The following CLEC16A variants were observed in gnomAD, a reference collection of about 807,000 sequenced individuals.
CLEC16A encodes the protein protein CLEC16A.
CLEC16A carries 51 observed loss-of-function variants against 109.5 expected under a neutral mutation model. The ratio of observed to expected loss-of-function variants is 0.47; its 90% confidence interval spans 0.37 to 0.59. The LOEUF is 0.59. CLEC16A is among the 20% of genes least tolerant of loss of function. The probability of loss-of-function intolerance (pLI) is 0.00; values close to 1 mark genes in which losing one functional copy is unlikely to be tolerated. For synonymous variants in CLEC16A, 673 were observed against 564.2 expected (o/e 1.19, Z -2.73); for missense variants, 1,339 against 1,394.0 (o/e 0.96, Z 0.63).
intron 10 of CLEC16A, among the ~76,000 whole-genome samples, chr16:10,984,867 C>T (rs929360906): frequency 3.9e-5 from 6 of 152,174 alleles, no homozygotes; most frequent in African/African-American, 7.2e-5. Context: ...AAACAGGCAG[C>T]GCAAGCCCTG....
chr16:11,092,361 A>ACACACAC (rs2050354709), intron 19 of CLEC16A, among the ~76,000 whole-genome samples: 9 of 132,544 alleles, frequency 6.8e-5, no homozygotes, highest in East Asian at 2.3e-4. Flanking sequence ...AACAAAAACA[A>ACACACAC]ACACACACAC....
intron 19 of CLEC16A, among the ~76,000 whole-genome samples, chr16:11,087,124 A>T (rs1307199443): frequency 1.3e-5 from 2 of 152,276 alleles, no homozygotes; most frequent in African/African-American, 4.8e-5. Context: ...TTTTCTCACA[A>T]CATCTGAAGC....
intron 18 of CLEC16A, among the ~76,000 whole-genome samples, chr16:11,060,576 T>C (rs556911502): frequency 5.0e-4 from 76 of 152,230 alleles, no homozygotes; most frequent in African/African-American, 1.7e-3. Flanking sequence ...GTCTGTGAAA[T>C]GGGGCTGACT....
chr16:11,118,760 A>G (rs1472107902), intron 19 of CLEC16A, among the ~76,000 whole-genome samples: 3 of 152,166 alleles, frequency 2.0e-5, no homozygotes, highest in South Asian at 4.1e-4. Context: ...TAGGATTTTT[A>G]TAGTTCTGGG....
rs533282705 is a variant in CLEC16A, at chr16:10,985,756, C to T, written c.1071+2765C>T. ...ATTTATTTTGAGATGGAGTCTCTGTCGCCCAGGCTGGAGTGCAGTGGCGTG... is the reference window on the plus strand; with the variant it reads ...ATTTATTTTGAGATGGAGTCTCTGTTGCCCAGGCTGGAGTGCAGTGGCGTG... On this transcript the variant is annotated intron_variant, in intron 10 of 23. Coordinates refer to ENST00000409790, the MANE Select transcript of CLEC16A (RefSeq NM_015226.3). 3.5e-5 allele frequency among the ~76,000 whole-genome samples: 5 copies of T among 141,914 alleles called. No individual in the cohort carries two copies. The East Asian group carries it at 8.2e-4, about 23-fold the overall frequency. 93.1% of individuals were successfully genotyped at this position (141,914 alleles called of 152,430 possible).
At chr16:11,031,061 C>A (rs751792531) in intron 13 of CLEC16A, among the ~76,000 whole-genome samples, 1 of 152,094 alleles carries the variant, frequency 6.6e-6, no homozygotes, top group Non-Finnish European at 1.5e-5. Flanking sequence ...CTTTTTAATA[C>A]CGCCTTTTCT....
At chr16:11,149,172 C>T (rs918266750) in intron 22 of CLEC16A, among the ~76,000 whole-genome samples, 1 of 152,150 alleles carries the variant, frequency 6.6e-6, no homozygotes, top group Non-Finnish European at 1.5e-5. Context: ...GAGCACAAGT[C>T]ACCAGTGGTG....
chr16:11,150,118 G>T (rs537690064), intron 22 of CLEC16A: 1 of 152,304 alleles, frequency 6.6e-6, no homozygotes, highest in South Asian at 2.1e-4. Flanking sequence ...CAAAAATTCA[G>T]TGTTTGGTTT....
At chr16:11,117,601 A>G (rs545579997) in intron 19 of CLEC16A, among the ~76,000 whole-genome samples, 174 of 152,340 alleles carry the variant, frequency 1.1e-3, no homozygotes, top group African/African-American at 4.2e-3. Flanking sequence ...ATTTTAAAAT[A>G]ATGTCCCAGT....
At chr16:11,118,936 C>G (rs2052202561) in intron 19 of CLEC16A, among the ~76,000 whole-genome samples, 1 of 152,184 alleles carries the variant, frequency 6.6e-6, no homozygotes, top group African/African-American at 2.4e-5. Context: ...CATTGAAGAT[C>G]ACTTGACTGT....
intron 22 of CLEC16A, among the ~76,000 whole-genome samples, chr16:11,152,514 C>T (rs2054331187): frequency 6.6e-6 from 1 of 152,230 alleles, no homozygotes; most frequent in Admixed American, 6.5e-5. Flanking sequence ...TGGTCCAGGA[C>T]ATTGACATCT....
rs111322660 is a variant in CLEC16A, at chr16:11,020,121, A to G, written c.1304-72A>G. Reference sequence around the variant, plus strand: ...GTCATTTATGCATATTTATTCTCCAACATGAGCATGTGTATAAATCTAGGG... The same window carrying G: ...GTCATTTATGCATATTTATTCTCCAGCATGAGCATGTGTATAAATCTAGGG... On this transcript the variant is annotated intron_variant, in intron 11 of 23. Transcript: ENST00000409790. The G allele has an allele frequency of 3.3e-6, 5 of 1,505,488 alleles. No homozygotes were observed. The South Asian group carries it at 5.3e-5, about 16-fold the overall frequency. The allele number at this position is 1,505,488 out of a possible 1,614,324, so 93.3% of individuals were successfully genotyped here.
chr16:11,016,299 T>C (rs2045743429), intron 11 of CLEC16A, among the ~76,000 whole-genome samples: 1 of 151,752 alleles, frequency 6.6e-6, no homozygotes, highest in African/African-American at 2.4e-5. Flanking sequence ...AAGAGAATTA[T>C]GTTTCCCCGA....
At position 11,137,876 on chromosome 16, in the gene CLEC16A, G is replaced by A. The variant is rs147396154; in HGVS notation, c.2641+11730G>A. ...AGTTGGTGGGAAGGAGAGTTAGTTC[G>A]TGAGGACCCACTAAGAATGGGAAAA... On this transcript the variant is annotated intron_variant, in intron 22 of 23. Coordinates refer to ENST00000409790, the MANE Select transcript of CLEC16A (RefSeq NM_015226.3). Among the ~76,000 whole-genome samples the A allele has an allele frequency of 2.1e-3, 327 of 152,264 alleles. 2 individuals carry two copies. The highest frequency in any genetic ancestry group is 7.5e-3 in the African/African-American group (312 of 41,544).
At chr16:11,132,235 C>CA (rs1567368473) in intron 22 of CLEC16A, among the ~76,000 whole-genome samples, 4 of 65,532 alleles carry the variant, frequency 6.1e-5, no homozygotes, top group Non-Finnish European at 1.3e-4. Flanking sequence ...CGCCCACCCA[C>CA]CCCCCCCGCC....
At chr16:11,073,560 C>T (rs1428538748) in intron 19 of CLEC16A, among the ~76,000 whole-genome samples, 3 of 152,174 alleles carry the variant, frequency 2.0e-5, no homozygotes, top group African/African-American at 4.8e-5. Flanking sequence ...CTCAGATCCT[C>T]GCAGTGCAGC....
chr16:10,991,693 G>C (rs977116194), intron 10 of CLEC16A, among the ~76,000 whole-genome samples: 18 of 152,216 alleles, frequency 1.2e-4, no homozygotes, highest in African/African-American at 4.3e-4. Flanking sequence ...GTCTTGATGT[G>C]ACAAGTCTCG....
chr16:11,067,416 G>C lies in CLEC16A; in HGVS notation c.2116+6394G>C, dbSNP rs909329162. On this transcript the variant is annotated intron_variant, in intron 19 of 23. Coordinates refer to ENST00000409790, the MANE Select transcript of CLEC16A (RefSeq NM_015226.3). ...AGGAGGGGCCCATTTGAGGGCTGCAGGGGGGGTGTGGGTGCCGAGAAGTGG... is the reference window on the plus strand; with the variant it reads ...AGGAGGGGCCCATTTGAGGGCTGCACGGGGGGTGTGGGTGCCGAGAAGTGG... Among the ~76,000 whole-genome samples, 5 of 150,928 alleles carry C rather than the reference G, an allele frequency of 3.3e-5. No individual in the cohort carries two copies. In the Admixed American group the frequency reaches 3.3e-4, roughly 10 times the overall value.
intron 22 of CLEC16A, among the ~76,000 whole-genome samples, chr16:11,165,008 T>C (rs186691953): frequency 5.3e-4 from 80 of 152,040 alleles, no homozygotes; most frequent in African/African-American, 1.9e-3. Flanking sequence ...AGATCCCCTC[T>C]CTCAGCTGGA....
Sources: gnomAD v4.1 joint callset for allele counts (sites outside exome capture counted in the v4.1 genomes callset) on GRCh38, gnomAD v4.1.1 for gene constraint, MANE v1.5 for transcripts, NCBI Gene and HGNC (gene_info 2026-07-23, HGNC 2026-07-21) for gene names.